The following FGF13 variants were observed in gnomAD, a reference collection of about 807,000 sequenced individuals.
FGF13 encodes the protein fibroblast growth factor 13, also known as fibroblast growth factor homologous factor 2.
FGF13 carries 2 observed loss-of-function variants against 19.5 expected under a neutral mutation model. That is an observed-to-expected ratio of 0.10 (90% CI 0.04 to 0.32). The LOEUF is 0.32. Among genes scored for constraint, FGF13 ranks in the 10% least tolerant of loss-of-function variants. FGF13 has a pLI of 1.00. For missense variants in FGF13, 113 were observed against 192.7 expected, an observed-to-expected ratio of 0.59 and a Z score of 2.45; for synonymous variants, 72 against 76.9, an observed-to-expected ratio of 0.94 and a Z score of 0.33.
At chrX:138,839,293 T>C (rs931220988) in intron 3 of FGF13, among the ~76,000 whole-genome samples, 19 of 110,105 alleles carry the variant, frequency 1.7e-4, no homozygotes, top group African/African-American at 4.6e-4. Flanking sequence ...AATAAATCAT[T>C]AAAAAAAAAT....
Position 139,114,508 on chromosome X carries a change from C to A in FGF13, c.-113+88908G>T, listed in dbSNP as rs536286199. ...CTCACTGGCTTGTGAGTGGAAGAAA[C>A]ACTTAAACAGGAAGCTTTCCTGGAG... On this transcript the variant is annotated intron_variant, in intron 1 of 2. Transcript: ENST00000421460. Among the ~76,000 whole-genome samples, 11 of 111,537 alleles carry A rather than the reference C, an allele frequency of 9.9e-5. No homozygotes were observed. In the South Asian group the frequency reaches 4.2e-3, roughly 43 times the overall value.
At chrX:138,977,592 A>AT (rs2091944961) in intron 1 of FGF13, among the ~76,000 whole-genome samples, 1 of 112,588 alleles carries the variant, frequency 8.9e-6, no homozygotes. Context: ...GCTCATGAAT[A>AT]TCTGACCTTA....
At chrX:138,896,360 G>A (rs960871143) in intron 1 of FGF13, among the ~76,000 whole-genome samples, 60 of 111,226 alleles carry the variant, frequency 5.4e-4, no homozygotes, top group African/African-American at 1.9e-3. Context: ...TATGATAGGG[G>A]AATTAAATAT....
intron 1 of FGF13, among the ~76,000 whole-genome samples, chrX:139,059,058 T>G (rs2092327954): frequency 1.8e-5 from 2 of 111,592 alleles, no homozygotes; most frequent in African/African-American, 6.5e-5. Context: ...AAGAAAAAAG[T>G]CTTTTAGTAT....
chrX:138,771,058 A>G lies in FGF13; in HGVS notation c.218-62130T>C, dbSNP rs193192161. On this transcript the variant is annotated intron_variant, in intron 3 of 6. Coordinates refer to the FGF13 transcript ENST00000436198. ...CACGGTGGGGGATTTTGGAGGTGAC[A>G]TTACACCGATGGACCTCCACAGCTT... Among the ~76,000 whole-genome samples, 251 of 111,755 alleles carry G rather than the reference A, an allele frequency of 2.2e-3. 3 individuals carry two copies. The highest frequency in any genetic ancestry group is 7.7e-3 in the African/African-American group (236 of 30,748).
At chrX:138,660,828 A>G (rs769560286) in intron 3 of FGF13, among the ~76,000 whole-genome samples, 2 of 111,636 alleles carry the variant, frequency 1.8e-5, no homozygotes, top group Non-Finnish European at 3.8e-5. Context: ...ATGTTGCTCT[A>G]TGTAAGATGT....
At chrX:138,886,532 T>A (rs1310364328) in intron 1 of FGF13, among the ~76,000 whole-genome samples, 3 of 111,978 alleles carry the variant, frequency 2.7e-5, no homozygotes, top group African/African-American at 9.7e-5. Context: ...CCATTTCCCA[T>A]AGTAAAGGTG....
intron 1 of FGF13, among the ~76,000 whole-genome samples, chrX:138,939,937 C>G (rs957359670): frequency 3.6e-5 from 4 of 111,688 alleles, no homozygotes; most frequent in Non-Finnish European, 7.5e-5. Flanking sequence ...ATATACCCAA[C>G]AATGGAATTG....
At chrX:139,093,482 G>A (rs2083451391) in intron 1 of FGF13, among the ~76,000 whole-genome samples, 1 of 112,295 alleles carries the variant, frequency 8.9e-6, no homozygotes, top group Non-Finnish European at 1.9e-5. Context: ...AAGAAAAAGA[G>A]ATAAACTCAA....
Position 138,624,484 on chromosome X carries a change from T to C in FGF13, c.*8366A>G, listed in dbSNP as rs2089040461. On this transcript the variant is annotated 3_prime_UTR_variant, in exon 5 of 5. Transcript: ENST00000315930. ...ATTGTAAAATTACTAGAATAAGAAA[T>C]AATGTCTATGGCATTGGTCTTGGCA... The C allele has an allele frequency of 8.9e-6, 1 of 112,455 alleles. No individual in the cohort carries two copies. Among genetic ancestry groups the C allele is most frequent in the Non-Finnish European group, 1.9e-5 (1 of 53,314 alleles). The allele number at this position is 112,455 out of a possible 1,213,427, so 9.3% of individuals were successfully genotyped here. A position where few individuals can be genotyped will look rare whatever the true frequency, so the allele number is the denominator to read the frequency against.
chrX:139,160,724 G>A (rs931796267), intron 1 of FGF13, among the ~76,000 whole-genome samples: 3 of 112,074 alleles, frequency 2.7e-5, no homozygotes, highest in African/African-American at 6.5e-5. Flanking sequence ...ACACCTCTAT[G>A]CAAATAAACT....
At chrX:139,006,533 A>G (rs140191480) in intron 1 of FGF13, among the ~76,000 whole-genome samples, 1,408 of 111,768 alleles carry the variant, frequency 0.013, 28 homozygotes, top group African/African-American at 0.043. Flanking sequence ...GAGAGACACA[A>G]AATATCATAA....
At chrX:138,754,383 C>T (rs771106072) in intron 3 of FGF13, among the ~76,000 whole-genome samples, 118 of 111,415 alleles carry the variant, frequency 1.1e-3, no homozygotes, top group African/African-American at 3.7e-3. Context: ...CAAAGAGTGT[C>T]CATTTGATTA....
At chrX:138,679,508 G>A (rs1033135837) in intron 3 of FGF13, among the ~76,000 whole-genome samples, 1 of 111,909 alleles carries the variant, frequency 8.9e-6, no homozygotes, top group Admixed American at 9.5e-5. Context: ...GCAATAAAGT[G>A]AGTATCTCAA....
At chrX:139,147,527 G>T (rs763150891) in intron 1 of FGF13, among the ~76,000 whole-genome samples, 29 of 111,979 alleles carry the variant, frequency 2.6e-4, no homozygotes, top group African/African-American at 9.4e-4. Context: ...ACCTGTCAGG[G>T]TTGCCATAAG....
chrX:138,964,639 A>G (rs1339063329), intron 1 of FGF13, among the ~76,000 whole-genome samples: 3 of 111,879 alleles, frequency 2.7e-5, no homozygotes, highest in African/African-American at 9.8e-5. Flanking sequence ...GCAGCTGTAC[A>G]AGAAGCGTAG....
intron 3 of FGF13, among the ~76,000 whole-genome samples, chrX:138,762,057 G>A: frequency 9.1e-6 from 1 of 109,536 alleles, no homozygotes; most frequent in East Asian, 2.9e-4. Flanking sequence ...ATAATTAAGT[G>A]TATCTAGTGT....
intron 3 of FGF13, among the ~76,000 whole-genome samples, chrX:138,771,949 T>C (rs1484723314): frequency 9.7e-6 from 1 of 102,652 alleles, no homozygotes; most frequent in African/African-American, 3.5e-5. Context: ...TTTTAAAATA[T>C]TACATTGAGG....
At chrX:139,060,452 C>A (rs2092333166) in intron 1 of FGF13, among the ~76,000 whole-genome samples, 1 of 111,497 alleles carries the variant, frequency 9.0e-6, no homozygotes, top group Non-Finnish European at 1.9e-5. Flanking sequence ...CTCTTGAAAG[C>A]AGCAGACACC....
Sources: gnomAD v4.1 joint callset for allele counts (sites outside exome capture counted in the v4.1 genomes callset) on GRCh38, gnomAD v4.1.1 for gene constraint, MANE v1.5 for transcripts, NCBI Gene and HGNC (gene_info 2026-07-23, HGNC 2026-07-21) for gene names.